EPHA6: variants seen among roughly 807,000 people sequenced by gnomAD.
The protein encoded by EPHA6 is EPH receptor A6, also known as ephrin type-A receptor 6.
EPHA6 carries 50 observed loss-of-function variants against 112.0 expected under a neutral mutation model. The ratio of observed to expected loss-of-function variants is 0.45; its 90% CI spans 0.36 to 0.56. The LOEUF (loss-of-function observed/expected upper bound fraction) is 0.56, where lower values mean the gene tolerates loss of function less well. EPHA6 is among the 20% of genes least tolerant of loss of function. The pLI is 0.00. For synonymous variants in EPHA6, 529 were observed against 490.7 expected, an observed-to-expected ratio of 1.08 and a Z score of -1.03; for missense variants, 1,280 against 1,417.4, an observed-to-expected ratio of 0.90 and a Z score of 1.56.
intron 13 of EPHA6, among the ~76,000 whole-genome samples, chr3:97,635,798 T>C (rs553815242): frequency 2.6e-5 from 4 of 152,242 alleles, no homozygotes; most frequent in South Asian, 4.1e-4. Flanking sequence ...CATTGTATGG[T>C]ACACAAATTA....
intron 3 of EPHA6, among the ~76,000 whole-genome samples, chr3:97,207,501 G>A (rs1205251639): frequency 6.6e-6 from 1 of 152,066 alleles, no homozygotes; most frequent in Non-Finnish European, 1.5e-5. Flanking sequence ...TGTTGATAAC[G>A]CATTTGTCTG....
At chr3:97,544,199 G>T (rs199977138) in intron 11 of EPHA6, among the ~76,000 whole-genome samples, 2 of 152,128 alleles carry the variant, frequency 1.3e-5, no homozygotes, top group African/African-American at 4.8e-5. Flanking sequence ...TCCAGTTTTT[G>T]CCCATTCAGT....
chr3:97,615,360 C>T (rs1299503816), intron 13 of EPHA6, among the ~76,000 whole-genome samples: 5 of 152,126 alleles, frequency 3.3e-5, no homozygotes, highest in African/African-American at 1.2e-4. Context: ...GCTTTATATA[C>T]GTGGGCTCTG....
chr3:97,139,889 T>C (rs953824674), intron 3 of EPHA6, among the ~76,000 whole-genome samples: 1 of 151,786 alleles, frequency 6.6e-6, no homozygotes, highest in African/African-American at 2.4e-5. Context: ...GGAAGCTCAA[T>C]GAGATCCAAG....
chr3:97,607,445 T>G (rs929560249), intron 12 of EPHA6, among the ~76,000 whole-genome samples: 1 of 151,044 alleles, frequency 6.6e-6, no homozygotes, highest in African/African-American at 2.4e-5. Context: ...CAGAAAAGGA[T>G]GATAAGGGGT....
At chr3:96,817,633 T>A (rs1214377111) in intron 1 of EPHA6, among the ~76,000 whole-genome samples, 1 of 151,882 alleles carries the variant, frequency 6.6e-6, no homozygotes, top group African/African-American at 2.4e-5. Flanking sequence ...AAAATTACAT[T>A]TATATGTAAC....
chr3:97,345,247 T>A (rs994476418), intron 5 of EPHA6, among the ~76,000 whole-genome samples: 6 of 152,156 alleles, frequency 3.9e-5, no homozygotes, highest in Admixed American at 1.3e-4. Context: ...TAGAGGATGT[T>A]TTGATAAATA....
rs796284742 is a variant in EPHA6 at position 97,380,385 on chromosome 3, T to G, written c.1607-24765T>G. Among the ~76,000 whole-genome samples the G allele has an allele frequency of 5.3e-5, 8 of 152,266 alleles. No individual in the cohort carries two copies. The South Asian group carries it at 8.3e-4, about 16-fold the overall frequency. On this transcript the variant is annotated intron_variant, in intron 5 of 17. Transcript: ENST00000389672. ...TTACCTTCTGGAAGTCACTGACCACTTGAAGAAATGAGTATACATATATGT... is the reference window on the plus strand; with the variant it reads ...TTACCTTCTGGAAGTCACTGACCACGTGAAGAAATGAGTATACATATATGT...
At chr3:97,512,118 T>C (rs1207031611) in intron 10 of EPHA6, among the ~76,000 whole-genome samples, 1 of 152,230 alleles carries the variant, frequency 6.6e-6, no homozygotes, top group Admixed American at 6.5e-5. Context: ...TTTACATTAG[T>C]GACAACGGAG....
chr3:97,547,619 G>T (rs975058155), intron 11 of EPHA6, among the ~76,000 whole-genome samples: 1 of 152,220 alleles, frequency 6.6e-6, no homozygotes, highest in South Asian at 2.1e-4. Flanking sequence ...TAAGTCTGCA[G>T]AGGTTACTGC....
intron 5 of EPHA6, among the ~76,000 whole-genome samples, chr3:97,306,888 A>G (rs1317814302): frequency 1.4e-5 from 2 of 140,976 alleles, no homozygotes; most frequent in East Asian, 2.1e-4. Flanking sequence ...TGTCACCTAC[A>G]TTTTTTTTTT....
intron 3 of EPHA6, among the ~76,000 whole-genome samples, chr3:97,188,154 A>T (rs2077205379): frequency 6.6e-6 from 1 of 152,120 alleles, no homozygotes; most frequent in African/African-American, 2.4e-5. Context: ...TCCTGATGGC[A>T]TGTGCAAGGC....
chr3:97,605,764 T>A (rs893829496), intron 12 of EPHA6, among the ~76,000 whole-genome samples: 1 of 151,642 alleles, frequency 6.6e-6, no homozygotes, highest in Non-Finnish European at 1.5e-5. Context: ...TTTAGAATAG[T>A]TTAATTCTGT....
At chr3:97,510,515 AGGCTG>A (rs1242716561) in intron 10 of EPHA6, among the ~76,000 whole-genome samples, 1 of 152,180 alleles carries the variant, frequency 6.6e-6, no homozygotes, top group Non-Finnish European at 1.5e-5. Context: ...TCACCAGCGG[AGGCTG>A]CAGAACAGCA....
intron 3 of EPHA6, among the ~76,000 whole-genome samples, chr3:97,200,583 C>T (rs955369480): frequency 6.6e-6 from 1 of 152,096 alleles, no homozygotes; most frequent in South Asian, 2.1e-4. Context: ...CATGCAGACT[C>T]AGCATTTTTA....
intron 5 of EPHA6, among the ~76,000 whole-genome samples, chr3:97,257,568 T>C (rs1391204536): frequency 6.6e-6 from 1 of 152,036 alleles, no homozygotes. Flanking sequence ...GTGTATGATT[T>C]GGTAAAAATC....
chr3:97,250,821 T>C (rs1163621159), intron 5 of EPHA6, among the ~76,000 whole-genome samples: 2 of 152,328 alleles, frequency 1.3e-5, no homozygotes, highest in African/African-American at 2.4e-5. Context: ...TTATGTATGT[T>C]GTTAATATTT....
intron 5 of EPHA6, among the ~76,000 whole-genome samples, chr3:97,286,954 C>T (rs1210045977): frequency 1.3e-5 from 2 of 151,092 alleles, no homozygotes; most frequent in Non-Finnish European, 2.9e-5. Flanking sequence ...AGGTCTTTCA[C>T]ATTCTTGATT....
intron 5 of EPHA6, among the ~76,000 whole-genome samples, chr3:97,256,104 A>G (rs1294005860): frequency 6.6e-6 from 1 of 152,158 alleles, no homozygotes; most frequent in Non-Finnish European, 1.5e-5. Context: ...CCGTCAAAGC[A>G]GAGATCCTCA....
Sources: allele counts gnomAD v4.1 joint callset (sites outside exome capture counted in the v4.1 genomes callset), GRCh38; gene constraint gnomAD v4.1.1; transcripts MANE v1.5; gene names NCBI Gene and HGNC (gene_info 2026-07-23, HGNC 2026-07-21).